TNR: variants seen among roughly 807,000 people sequenced by gnomAD.
TNR encodes the protein tenascin-R.
Under a neutral mutation model 150.4 loss-of-function variants are expected in TNR, and 45 were observed. The ratio of observed to expected loss-of-function variants is 0.30; its 90% CI spans 0.24 to 0.38. The LOEUF (loss-of-function observed/expected upper bound fraction) is 0.38, where lower values mean the gene tolerates loss of function less well. Ranked by LOEUF, TNR falls within the 10% of genes least tolerant of loss-of-function variation. TNR has a pLI of 1.00. For synonymous variants in TNR, 687 were observed against 678.4 expected (o/e 1.01, Z -0.20); for missense variants, 1,544 against 1,759.1 (o/e 0.88, Z 2.19).
At chr1:175,411,279 G>A (rs1654200689) in intron 2 of TNR, among the ~76,000 whole-genome samples, 1 of 152,166 alleles carries the variant, frequency 6.6e-6, no homozygotes, top group Non-Finnish European at 1.5e-5. Flanking sequence ...GAGTGTTGAA[G>A]AGGGGATGTT....
chr1:175,422,676 T>G lies in TNR; in HGVS notation c.-63-15899A>C, dbSNP rs537497032. 1.4e-4 allele frequency among the ~76,000 whole-genome samples: 21 copies of G among 152,312 alleles called. No individual in the cohort carries two copies. The South Asian group carries it at 4.4e-3, about 32-fold the overall frequency. On this transcript the variant is annotated intron_variant, in intron 2 of 22. Transcript: ENST00000367674. Reference sequence around the variant, plus strand: ...GTAGGTCTCCCCCCTAACCCCAGTTTCTCTTGATTACAGCTGCCTGTCACA... The same window carrying G: ...GTAGGTCTCCCCCCTAACCCCAGTTGCTCTTGATTACAGCTGCCTGTCACA...
intron 2 of TNR, among the ~76,000 whole-genome samples, chr1:175,470,050 T>A (rs1441292158): frequency 1.3e-5 from 2 of 152,126 alleles, no homozygotes; most frequent in Admixed American, 6.5e-5. Flanking sequence ...ATGGTTGGTA[T>A]AATCCACTGT....
intron 1 of TNR, among the ~76,000 whole-genome samples, chr1:175,603,625 A>T (rs553621812): frequency 5.3e-5 from 8 of 152,364 alleles, no homozygotes; most frequent in African/African-American, 1.9e-4. Flanking sequence ...CATTGCTCAC[A>T]TACCCCACGT....
At chr1:175,741,139 G>C (rs765458300) in intron 1 of TNR, among the ~76,000 whole-genome samples, 5 of 152,180 alleles carry the variant, frequency 3.3e-5, no homozygotes, top group Non-Finnish European at 5.9e-5. Flanking sequence ...AAAGGCTTTG[G>C]CTGCAAGTCT....
At chr1:175,685,761 A>T (rs1251439978) in intron 1 of TNR, among the ~76,000 whole-genome samples, 1 of 151,926 alleles carries the variant, frequency 6.6e-6, no homozygotes, top group Non-Finnish European at 1.5e-5. Flanking sequence ...ATCCCCCCAA[A>T]CATCTCCCTC....
At chr1:175,382,208 GTCTA>G (rs1652714646) in intron 8 of TNR, among the ~76,000 whole-genome samples, 1 of 152,342 alleles carries the variant, frequency 6.6e-6, no homozygotes, top group East Asian at 1.9e-4. Context: ...CCAGGATCTT[GTCTA>G]TCTGTTTATT....
chr1:175,365,377 A>G (rs1651786735), intron 11 of TNR, 98 bp from the exon 12 acceptor site: 5 of 1,362,578 alleles, frequency 3.7e-6, no homozygotes, highest in Non-Finnish European at 9.9e-7. Context: ...TCTCCTTGCT[A>G]ATAAGGGCCA....
At chr1:175,590,032 T>C (rs1571647358) in intron 1 of TNR, among the ~76,000 whole-genome samples, 1 of 152,168 alleles carries the variant, frequency 6.6e-6, no homozygotes, top group South Asian at 2.1e-4. Context: ...TATTTCTGAT[T>C]TTTCCTTTTG....
chr1:175,356,275 A>G (rs202072008), intron 16 of TNR, 44 bp downstream of exon 16: 3 of 1,610,222 alleles, frequency 1.9e-6, no homozygotes, highest in Admixed American at 3.4e-5. Context: ...TCATTTCCAC[A>G]AAAGTCCCCA....
At chr1:175,521,886 T>C (rs556041986) in intron 2 of TNR, among the ~76,000 whole-genome samples, 2 of 152,358 alleles carry the variant, frequency 1.3e-5, no homozygotes, top group East Asian at 3.9e-4. Context: ...TATATTGTCA[T>C]GCACTGCTAT....
At chr1:175,611,887 T>G (rs576797670) in intron 1 of TNR, among the ~76,000 whole-genome samples, 2 of 151,872 alleles carry the variant, frequency 1.3e-5, no homozygotes, top group Non-Finnish European at 2.9e-5. Context: ...AAAAGAAAAA[T>G]AAAGTGCTGT....
intron 2 of TNR, among the ~76,000 whole-genome samples, chr1:175,509,693 C>A (rs979333585): frequency 6.6e-6 from 1 of 152,164 alleles, no homozygotes. Context: ...TAATAGTAAA[C>A]CTAAAGAGTT....
chr1:175,484,245 C>T (rs149832890), intron 2 of TNR, among the ~76,000 whole-genome samples: 14 of 152,262 alleles, frequency 9.2e-5, no homozygotes, highest in East Asian at 7.7e-4. Flanking sequence ...TCCAACCATC[C>T]GCAATTCCTA....
intron 2 of TNR, 60 bp downstream of exon 2, chr1:175,528,209 A>G (rs918336926): frequency 2.0e-5 from 3 of 152,236 alleles, no homozygotes; most frequent in African/African-American, 7.2e-5. Flanking sequence ...ATGCAGTTAC[A>G]TATGAAAGCC....
intron 1 of TNR, among the ~76,000 whole-genome samples, chr1:175,575,069 C>T (rs968635100): frequency 6.6e-6 from 1 of 152,202 alleles, no homozygotes; most frequent in African/African-American, 2.4e-5. Flanking sequence ...CAGGATTGCA[C>T]TTTCTGGCCT....
chr1:175,714,812 C>A (rs918574759), intron 1 of TNR, among the ~76,000 whole-genome samples: 1 of 152,184 alleles, frequency 6.6e-6, no homozygotes, highest in Non-Finnish European at 1.5e-5. Flanking sequence ...AGACAATCAG[C>A]CCAGAGTCTG....
chr1:175,347,909 T>C (rs1424225324), intron 18 of TNR, among the ~76,000 whole-genome samples: 1 of 151,942 alleles, frequency 6.6e-6, no homozygotes, highest in Non-Finnish European at 1.5e-5. Flanking sequence ...TCCTAGGTAA[T>C]GTGATAAGAA....
intron 2 of TNR, among the ~76,000 whole-genome samples, chr1:175,520,792 TG>T (rs906356155): frequency 1.3e-5 from 2 of 152,182 alleles, no homozygotes; most frequent in Admixed American, 1.3e-4. Flanking sequence ...CCCTCAATCC[TG>T]TCTTTCCTAG....
chr1:175,453,838 G>T (rs1203211821), intron 2 of TNR, among the ~76,000 whole-genome samples: 1 of 152,162 alleles, frequency 6.6e-6, no homozygotes, highest in East Asian at 1.9e-4. Flanking sequence ...CTCTCAAAGT[G>T]CTGGTGTTAC....
Sources: gnomAD v4.1 joint callset for allele counts (sites outside exome capture counted in the v4.1 genomes callset) on GRCh38, gnomAD v4.1.1 for gene constraint, MANE v1.5 for transcripts, NCBI Gene and HGNC (gene_info 2026-07-23, HGNC 2026-07-21) for gene names.